The following ALKBH8 variants were observed in gnomAD, a reference collection of about 807,000 sequenced individuals.
The protein encoded by ALKBH8 is alkB homolog 8, tRNA methyltransferase.
A neutral mutation model predicts 59.8 loss-of-function variants in ALKBH8; 36 were observed. The ratio of observed to expected loss-of-function variants is 0.60; its 90% CI spans 0.46 to 0.79. The LOEUF (loss-of-function observed/expected upper bound fraction) is 0.79. Among genes scored for constraint, ALKBH8 ranks in the 30% least tolerant of loss-of-function variants. The pLI, the probability that ALKBH8 is intolerant of heterozygous loss-of-function variation, is 0.00. For synonymous variants in ALKBH8, 276 were observed against 273.6 expected (o/e 1.01, Z -0.09); for missense variants, 768 against 801.0 (o/e 0.96, Z 0.50).
intron 1 of ALKBH8, among the ~76,000 whole-genome samples, chr11:107,561,617 C>A (rs191718996): frequency 5.8e-4 from 88 of 152,262 alleles, no homozygotes; most frequent in Middle Eastern, 3.4e-3. Context: ...TATAATCACA[C>A]CATCCAAATC....
chr11:107,538,169 A>G (rs1863900252), intron 7 of ALKBH8, among the ~76,000 whole-genome samples: 1 of 151,764 alleles, frequency 6.6e-6, no homozygotes, highest in Admixed American at 6.6e-5. Context: ...TTTTTTACAC[A>G]TTTTATCCTT....
intron 7 of ALKBH8, among the ~76,000 whole-genome samples, chr11:107,544,021 T>G (rs962209447): frequency 1.4e-4 from 22 of 152,228 alleles, no homozygotes; most frequent in Non-Finnish European, 4.4e-5. Flanking sequence ...TCTTTTATTA[T>G]GACTATTCCC....
At position 107,553,201 on chromosome 11, in the gene ALKBH8, G is replaced by C. The variant is rs755254899; in HGVS notation, c.502C>G (p.Gln168Glu). 2.5e-6 allele frequency: 4 copies of C among 1,595,856 alleles called. No individual in the cohort carries two copies. The East Asian group carries it at 9.0e-5, about 36-fold the overall frequency. Residue 168 changes from glutamine (Q) to glutamate (E), a missense_variant and splice_region_variant, in exon 5 of 12, where the codon CAA (glutamine) becomes GAA (glutamate). Coordinates refer to ENST00000428149, the MANE Select transcript of ALKBH8 (RefSeq NM_138775.3). ...WTEDTDNQNS[Q>E]KSLKHRRVKH... ...ACTCTTCTGTGTTTTAAGGATTTTT[G>C]AGCTGTGTGAAGAGAACAAAGTAAA...
At chr11:107,508,490 T>C (rs1245507478) in intron 11 of ALKBH8, among the ~76,000 whole-genome samples, 1 of 152,188 alleles carries the variant, frequency 6.6e-6, no homozygotes, top group Non-Finnish European at 1.5e-5. Context: ...CTTATTTTTA[T>C]TGTGGTAAAA....
chr11:107,550,876 GCCTCAC>G (rs1864461817), intron 6 of ALKBH8, among the ~76,000 whole-genome samples: 1 of 152,138 alleles, frequency 6.6e-6, no homozygotes, highest in African/African-American at 2.4e-5. Context: ...AGGAAGGGAG[GCCTCAC>G]CAGGAACCCA....
intron 10 of ALKBH8, among the ~76,000 whole-genome samples, chr11:107,512,663 C>A (rs1862686222): frequency 6.6e-6 from 1 of 151,994 alleles, no homozygotes; most frequent in Non-Finnish European, 1.5e-5. Context: ...TTTTTCTTAG[C>A]CAAACTCTAT....
intron 9 of ALKBH8, among the ~76,000 whole-genome samples, chr11:107,524,050 G>C (rs1863247046): frequency 1.3e-5 from 2 of 151,970 alleles, no homozygotes; most frequent in African/African-American, 4.8e-5. Context: ...AATTTGGGGG[G>C]TTTTCTGTTG....
intron 9 of ALKBH8, among the ~76,000 whole-genome samples, chr11:107,524,186 G>A (rs1271855652): frequency 6.6e-6 from 1 of 151,930 alleles, no homozygotes; most frequent in Non-Finnish European, 1.5e-5. Flanking sequence ...AGCTTTCCTA[G>A]TAACTAGGAC....
At chr11:107,525,684 G>T in intron 8 of ALKBH8, 92 bp from the exon 9 acceptor site, 2 of 887,948 alleles carry the variant, frequency 2.3e-6, no homozygotes, top group Non-Finnish European at 3.1e-6. Flanking sequence ...AGAAAATCTA[G>T]AAGAATTTAT....
chr11:107,528,770 T>C lies in ALKBH8; in HGVS notation c.879-3178A>G, dbSNP rs556794109. On this transcript the variant is annotated intron_variant, in intron 8 of 11. Coordinates refer to ENST00000428149, the MANE Select transcript of ALKBH8 (RefSeq NM_138775.3). Reference sequence around the variant, plus strand: ...ATTTAAATACTGCTAAACATCTTTTTCCCCCTGCACTCAAATTATAATCAA... The same window carrying C: ...ATTTAAATACTGCTAAACATCTTTTCCCCCCTGCACTCAAATTATAATCAA... Among the ~76,000 whole-genome samples the C allele has an allele frequency of 2.1e-3, 314 of 152,180 alleles. 2 individuals carry two copies. The highest frequency in any genetic ancestry group is 7.3e-3 in the African/African-American group (305 of 41,526).
At chr11:107,506,097 C>T (rs774533872) in intron 11 of ALKBH8, among the ~76,000 whole-genome samples, 22 of 152,144 alleles carry the variant, frequency 1.4e-4, no homozygotes, top group Non-Finnish European at 2.9e-4. Flanking sequence ...GAGAGACAGA[C>T]ATTGGAATTT....
chr11:107,564,537 C>T (rs776748366), intron 1 of ALKBH8, among the ~76,000 whole-genome samples: 23 of 152,090 alleles, frequency 1.5e-4, no homozygotes, highest in Admixed American at 1.3e-4. Context: ...TATGGGTTGC[C>T]TCCAGGGAAG....
rs1416108158 is a variant in ALKBH8, at chr11:107,510,865, GAGAA to G, written c.1437+18_1437+21del. The stretch of plus-strand genomic sequence containing the variant: ...TGCTGCTTTAGCTACAAGTTCTTAA[GAGAA>G]AGAAAGACCATACTTACTGCTGTTG... On this transcript the variant is annotated intron_variant, in intron 11 of 11. Transcript: ENST00000428149. 2.6e-6 allele frequency: 4 copies of G among 1,548,696 alleles called. No homozygotes were observed. Among genetic ancestry groups the G allele is most frequent in the Non-Finnish European group, 8.7e-7 (1 of 1,145,892 alleles).
intron 7 of ALKBH8, among the ~76,000 whole-genome samples, chr11:107,546,892 C>CATA (rs1864281632): frequency 6.6e-6 from 1 of 151,798 alleles, no homozygotes; most frequent in Admixed American, 6.6e-5. Context: ...AGTAGTCATA[C>CATA]AAATAAAGCA....
At chr11:107,525,697 C>G in intron 8 of ALKBH8, 105 bp from the exon 9 acceptor site, 7 of 774,762 alleles carry the variant, frequency 9.0e-6, no homozygotes, top group Non-Finnish European at 1.3e-5. Context: ...GAATTTATTA[C>G]AAATATCTAT....
Position 107,503,054 on chromosome 11 carries a change from C to T in ALKBH8, c.*1604G>A, listed in dbSNP as rs1356080129. On this transcript the variant is annotated 3_prime_UTR_variant, in exon 12 of 12. Coordinates refer to ENST00000428149, the MANE Select transcript of ALKBH8 (RefSeq NM_138775.3). ...TCCTATGCTATTTTTCAACATCTTC[C>T]ATTTTCTCTCCCTTCTTGAGTCAAT... The T allele has an allele frequency of 6.6e-6, 1 of 152,150 alleles. No homozygotes were observed. The highest frequency in any genetic ancestry group is 2.4e-5 in the African/African-American group (1 of 41,462). 9.4% of individuals were successfully genotyped at this position (152,150 alleles called of 1,614,324 possible).
intron 10 of ALKBH8, among the ~76,000 whole-genome samples, chr11:107,521,725 A>T (rs1422045345): frequency 6.6e-6 from 1 of 152,220 alleles, no homozygotes; most frequent in Non-Finnish European, 1.5e-5. Context: ...AAATGGGTTC[A>T]AATTCTGGGT....
At chr11:107,544,707 A>G (rs1864176697) in intron 7 of ALKBH8, among the ~76,000 whole-genome samples, 1 of 152,068 alleles carries the variant, frequency 6.6e-6, no homozygotes, top group Admixed American at 6.6e-5. Flanking sequence ...CACTTTAATT[A>G]TACTATGATG....
At chr11:107,533,357 T>A (rs910860168) in intron 7 of ALKBH8, among the ~76,000 whole-genome samples, 1 of 152,124 alleles carries the variant, frequency 6.6e-6, no homozygotes. Context: ...TAGTACCTAG[T>A]ACAAAGTAAG....
Sources: gnomAD v4.1 joint callset for allele counts (sites outside exome capture counted in the v4.1 genomes callset) on GRCh38, gnomAD v4.1.1 for gene constraint, MANE v1.5 for transcripts, NCBI Gene and HGNC (gene_info 2026-07-23, HGNC 2026-07-21) for gene names.